Variants in MARK3 observed in about 807,000 individuals in gnomAD.
MARK3 encodes the protein MAP/microtubule affinity-regulating kinase 3.
MARK3 carries 46 observed loss-of-function variants against 90.1 expected under a neutral mutation model. That is an observed-to-expected ratio of 0.51 (90% CI 0.40 to 0.65). MARK3 has a LOEUF of 0.65. MARK3 is among the 30% of genes least tolerant of loss of function. MARK3 has a pLI of 0.00. For missense variants in MARK3, 818 were observed against 947.2 expected (o/e 0.86, Z 1.79); for synonymous variants, 321 against 332.6 (o/e 0.97, Z 0.38).
chr14:103,406,470 C>T (rs2091306360), intron 2 of MARK3, among the ~76,000 whole-genome samples: 1 of 151,778 alleles, frequency 6.6e-6, no homozygotes, highest in Admixed American at 6.6e-5. Context: ...CTCCTGACCT[C>T]AGGTGATCTG....
At chr14:103,449,230 A>G (rs2093070428) in intron 4 of MARK3, among the ~76,000 whole-genome samples, 1 of 151,692 alleles carries the variant, frequency 6.6e-6, no homozygotes, top group Non-Finnish European at 1.5e-5. Context: ...ATTAGAAAAT[A>G]TAATTGTATT....
intron 3 of MARK3, among the ~76,000 whole-genome samples, chr14:103,439,834 T>C (rs552343483): frequency 6.6e-6 from 1 of 152,326 alleles, no homozygotes; most frequent in African/African-American, 2.4e-5. Context: ...TTACCCAGGC[T>C]GGAGTACAGT....
intron 14 of MARK3, among the ~76,000 whole-genome samples, chr14:103,481,362 T>G (rs879611699): frequency 5.9e-5 from 9 of 152,220 alleles, no homozygotes; most frequent in Non-Finnish European, 1.3e-4. Context: ...GTTCTGACAT[T>G]TACTTTCTGC....
At chr14:103,430,627 G>C (rs910561902) in intron 3 of MARK3, among the ~76,000 whole-genome samples, 3 of 152,148 alleles carry the variant, frequency 2.0e-5, no homozygotes, top group African/African-American at 7.2e-5. Context: ...TACCGAAAAA[G>C]GTGGACTGGC....
rs1566886892 is a variant in MARK3, at chr14:103,462,268, A to G, written c.484-137A>G. ...CAGACTGGAAAGTTCAAGGCATAGG[A>G]AAATTGTTTTTAGAAATCCACACGG... is the stretch of plus-strand genomic sequence containing the variant. On this transcript the variant is annotated intron_variant, in intron 6 of 17. Coordinates refer to ENST00000429436, the MANE Select transcript of MARK3 (RefSeq NM_001128918.3). 4 of 558,700 alleles carry G rather than the reference A, an allele frequency of 7.2e-6. No individual in the cohort carries two copies. The East Asian group carries it at 8.8e-5, about 12-fold the overall frequency. 34.6% of individuals were successfully genotyped at this position (558,700 alleles called of 1,614,324 possible). A position where few individuals can be genotyped will look rare whatever the true frequency, so the allele number is the denominator to read the frequency against.
chr14:103,417,715 CTA>C (rs1170638418), intron 2 of MARK3, among the ~76,000 whole-genome samples: 4 of 152,050 alleles, frequency 2.6e-5, no homozygotes, highest in Non-Finnish European at 5.9e-5. Flanking sequence ...TCTTCTATCT[CTA>C]TGTTTTTACT....
intron 14 of MARK3, among the ~76,000 whole-genome samples, chr14:103,489,056 C>A (rs1278167791): frequency 6.6e-6 from 1 of 152,132 alleles, no homozygotes; most frequent in Admixed American, 6.6e-5. Context: ...TTTTCAGGGA[C>A]CTCCAGCAGA....
chr14:103,455,061 T>G (rs1211089729), intron 5 of MARK3, among the ~76,000 whole-genome samples: 2 of 152,262 alleles, frequency 1.3e-5, no homozygotes, highest in African/African-American at 2.4e-5. Context: ...AACTCCTGAA[T>G]TATAATTTAG....
intron 14 of MARK3, among the ~76,000 whole-genome samples, chr14:103,483,657 G>A (rs2093868222): frequency 2.6e-5 from 4 of 152,144 alleles, no homozygotes; most frequent in African/African-American, 9.7e-5. Context: ...TTGTTACTTT[G>A]GCACAAACAC....
At chr14:103,427,642 G>A (rs1171758697) in intron 2 of MARK3, among the ~76,000 whole-genome samples, 2 of 152,116 alleles carry the variant, frequency 1.3e-5, no homozygotes, top group Non-Finnish European at 2.9e-5. Context: ...TGGGAAAAGG[G>A]CAGAGATTTC....
intron 5 of MARK3, among the ~76,000 whole-genome samples, chr14:103,452,418 A>C (rs997067110): frequency 1.3e-5 from 2 of 149,594 alleles, no homozygotes; most frequent in Admixed American, 1.3e-4. Flanking sequence ...TTCTGTCTCT[A>C]TGAATTTGAC....
At chr14:103,482,518 TAA>T (rs11313266) in intron 14 of MARK3, among the ~76,000 whole-genome samples, 58 of 148,100 alleles carry the variant, frequency 3.9e-4, no homozygotes, top group Non-Finnish European at 4.9e-4. Flanking sequence ...AAGACTCATC[TAA>T]AAAAAAAAAA....
rs1400590031 is a variant in MARK3 at position 103,491,776 on chromosome 14, G to C, written c.1587-1G>C. 6.2e-7 allele frequency: 1 copy of C among 1,613,658 alleles called. No homozygotes were observed. The highest frequency in any genetic ancestry group is 1.3e-5 in the African/African-American group (1 of 74,876). On this transcript the variant is annotated splice_acceptor_variant, in intron 14 of 17. Transcript: ENST00000429436. LOFTEE classifies it high-confidence loss of function. ...GAGCTTCTTACTTTCTGATCTCATA[G>C]CACTATTCCTGATCAGAGAACTCCA...
intron 3 of MARK3, among the ~76,000 whole-genome samples, chr14:103,444,048 C>G (rs1227612973): frequency 6.8e-6 from 1 of 146,206 alleles, no homozygotes; most frequent in African/African-American, 2.5e-5. Flanking sequence ...TTCTCTTTTA[C>G]ATACTCATTT....
chr14:103,479,643 T>C, intron 13 of MARK3, among the ~76,000 whole-genome samples: 1 of 145,368 alleles, frequency 6.9e-6, no homozygotes, highest in Non-Finnish European at 1.5e-5. Context: ...TTTTTTTTTT[T>C]TTTTTTGAGA....
At chr14:103,466,516 C>A in intron 10 of MARK3, 74 bp downstream of exon 10, 4 of 922,698 alleles carry the variant, frequency 4.3e-6, no homozygotes, top group Non-Finnish European at 5.1e-6. Context: ...CATGTCTGTG[C>A]CTAAAATGTG....
chr14:103,410,774 A>G (rs2091581652), intron 2 of MARK3, among the ~76,000 whole-genome samples: 1 of 152,102 alleles, frequency 6.6e-6, no homozygotes, highest in Non-Finnish European at 1.5e-5. Context: ...TTAGTGATTT[A>G]AACCCTTTAT....
chr14:103,404,521 A>G (rs2140668350), intron 1 of MARK3, among the ~76,000 whole-genome samples: 1 of 152,280 alleles, frequency 6.6e-6, no homozygotes, highest in Non-Finnish European at 1.5e-5. Flanking sequence ...CATATTGAGT[A>G]CTTTATTCAT....
At chr14:103,403,576 G>T (rs921256574) in intron 1 of MARK3, among the ~76,000 whole-genome samples, 1 of 152,032 alleles carries the variant, frequency 6.6e-6, no homozygotes, top group Non-Finnish European at 1.5e-5. Context: ...CTGTTTTCAT[G>T]AAACTTAAAT....
Sources: gnomAD v4.1 joint callset for allele counts (sites outside exome capture counted in the v4.1 genomes callset) on GRCh38, gnomAD v4.1.1 for gene constraint, MANE v1.5 for transcripts, NCBI Gene and HGNC (gene_info 2026-07-23, HGNC 2026-07-21) for gene names.